The following COL27A1 variants were observed in gnomAD, a reference collection of about 807,000 sequenced individuals.
COL27A1 encodes collagen alpha-1(XXVII) chain.
COL27A1 carries 106 observed loss-of-function variants against 251.3 expected under a neutral mutation model. The ratio of observed to expected loss-of-function variants is 0.42; its 90% CI spans 0.36 to 0.50. The LOEUF is 0.50. Among genes scored for constraint, COL27A1 ranks in the 20% least tolerant of loss-of-function variants. COL27A1 has a pLI of 0.00. For synonymous variants in COL27A1, 1,000 were observed against 986.3 expected, an observed-to-expected ratio of 1.01 and a Z score of -0.26; for missense variants, 2,325 against 2,522.8, an observed-to-expected ratio of 0.92 and a Z score of 1.68.
chr9:114,219,887 T>G (rs766626775), intron 13 of COL27A1, 43 bp downstream of exon 13: 2 of 1,452,412 alleles, frequency 1.4e-6, no homozygotes, highest in South Asian at 2.3e-5. Flanking sequence ...AGATTCTGAG[T>G]GAACACACAG....
At chr9:114,301,565 G>A (rs956660466) in intron 54 of COL27A1, 103 bp downstream of exon 54, 62 of 1,536,636 alleles carry the variant, frequency 4.0e-5, no homozygotes, top group African/African-American at 1.5e-4. Context: ...CCGTCATCCC[G>A]TCTGTGCCAG....
At chr9:114,191,591 T>G (rs760297186) in intron 5 of COL27A1, among the ~76,000 whole-genome samples, 7 of 152,228 alleles carry the variant, frequency 4.6e-5, no homozygotes, top group Non-Finnish European at 8.8e-5. Context: ...GCAAAGGACG[T>G]GATCTCATTC....
At chr9:114,162,989 G>A (rs1027520621) in intron 2 of COL27A1, among the ~76,000 whole-genome samples, 3 of 152,088 alleles carry the variant, frequency 2.0e-5, no homozygotes, top group Non-Finnish European at 2.9e-5. Context: ...CAGTCCCAGC[G>A]CTTTGGGAGG....
At chr9:114,184,422 G>T (rs1388365862) in intron 5 of COL27A1, among the ~76,000 whole-genome samples, 1 of 152,232 alleles carries the variant, frequency 6.6e-6, no homozygotes, top group South Asian at 2.1e-4. Context: ...GTAGCCCTGG[G>T]CATATGGATC....
intron 7 of COL27A1, among the ~76,000 whole-genome samples, chr9:114,202,886 T>G (rs2567715): frequency 0.65 from 98,304 of 151,888 alleles, 33,091 homozygotes; most frequent in Non-Finnish European, 0.73. Context: ...TTACTTCCTT[T>G]TCTTCACAGC....
In COL27A1 at chr9:114,169,218, GT is replaced by G; in HGVS notation, c.1664del (p.Val555AlafsTer14). The G allele has an allele frequency of 6.2e-7, 1 of 1,614,020 alleles. No homozygotes were observed. The highest frequency in any genetic ancestry group is 8.5e-7 in the Non-Finnish European group (1 of 1,179,990). Reference sequence around the variant, plus strand: ...ACCCAAGAGCAGCCCCCGGAAGCCTGTCCCCCTCAGACCTGGGAAGGCAGCC... The same window carrying G: ...ACCCAAGAGCAGCCCCCGGAAGCCTGCCCCCTCAGACCTGGGAAGGCAGCC... ...AGPKSSPRKP[V>X]PLRPGKAARD... On this transcript the variant is annotated frameshift_variant, in exon 3 of 61. Transcript: ENST00000356083. LOFTEE classifies it high-confidence loss of function.
chr9:114,220,092 G>A lies in COL27A1; in HGVS notation c.2421+248G>A, dbSNP rs781401145. ...GCCCCTGGGTCCAAAGCTCCAGGCT[G>A]CACCCCATTTCCAGGACTTTGGAAG... On this transcript the variant is annotated intron_variant, in intron 13 of 60. Transcript: ENST00000356083. Among the ~76,000 whole-genome samples the A allele has an allele frequency of 2.7e-4, 41 of 152,186 alleles. 1 individual carries two copies. The highest frequency in any genetic ancestry group is 7.3e-5 in the Non-Finnish European group (5 of 68,038).
At chr9:114,154,780 A>T (rs1412884323), upstream of COL27A1, among the ~76,000 whole-genome samples, 1 of 151,704 alleles carries the variant, frequency 6.6e-6, no homozygotes, top group Non-Finnish European at 1.5e-5. This position sits in a 1 kb window ranked among gnomAD's most constrained non-coding sequence, Gnocchi z 5.8. Flanking sequence ...TACGTGTGGG[A>T]GTGTGTGTGT....
Position 114,307,713 on chromosome 9 carries a change from A to G in COL27A1, c.5152A>G (p.Ile1718Val), listed in dbSNP as rs1248745330. The G allele has an allele frequency of 1.9e-6, 3 of 1,614,100 alleles. No individual in the cohort carries two copies. Among genetic ancestry groups the G allele is most frequent in the South Asian group, 1.1e-5 (1 of 91,064 alleles). Residue 1718 changes from isoleucine (I) to valine (V), a missense_variant, in exon 59 of 61, where the codon ATC becomes GTC. Transcript: ENST00000356083. ...DPNLGCSSDT[I>V]EVSCNFTHGG... Reference sequence around the variant, plus strand: ...AAACCTTGGCTGCTCCTCTGACACCATCGAGGTCTCCTGCAACTTCACTCA... The same window carrying G: ...AAACCTTGGCTGCTCCTCTGACACCGTCGAGGTCTCCTGCAACTTCACTCA...
At chr9:114,223,925 G>C (rs76737446) in intron 14 of COL27A1, among the ~76,000 whole-genome samples, 2,797 of 152,264 alleles carry the variant, frequency 0.018, 88 homozygotes, top group African/African-American at 0.064. Flanking sequence ...TTACACACAC[G>C]TGATATTTTA....
rs1476434030 is a variant in COL27A1, at chr9:114,237,545, A to T, written c.2674-117A>T. ...TAGCTCCTTCTAGTTGTCCAGGCAG[A>T]TTTTATGCACATGCTTCTGAACTTT... On this transcript the variant is annotated intron_variant, in intron 18 of 60. Transcript: ENST00000356083. The T allele has an allele frequency of 1.3e-5, 11 of 869,710 alleles. No individual in the cohort carries two copies. The Admixed American group carries it at 2.0e-4, about 16-fold the overall frequency. The allele number at this position is 869,710 out of a possible 1,614,324, so 53.9% of individuals were successfully genotyped here.
At position 114,194,416 on chromosome 9, in the gene COL27A1, G is replaced by A. The variant is rs1206334816; in HGVS notation, c.2029G>A (p.Asp677Asn). 1 of 1,613,330 alleles carries A rather than the reference G, an allele frequency of 6.2e-7. No individual in the cohort carries two copies. Among genetic ancestry groups the A allele is most frequent in the South Asian group, 1.1e-5 (1 of 90,792 alleles). Residue 677 changes from aspartate (D) to asparagine (N), a missense_variant, in exon 6 of 61, where the codon GAC becomes AAC. Transcript: ENST00000356083. ...GTTTTTGTTTCAGGGACAGAAAGGG[G>A]ACCCAGGGCTCTCACCAGGAAAGGC... ...GPPGAKGQKGDPGLSPGKAHD... is the reference protein window; with the variant it reads ...GPPGAKGQKGNPGLSPGKAHD...
chr9:114,180,835 C>T (rs910013045), intron 4 of COL27A1, among the ~76,000 whole-genome samples: 3 of 151,868 alleles, frequency 2.0e-5, no homozygotes, highest in Admixed American at 6.6e-5. Context: ...GGGTTGGGGA[C>T]GGGGGGGCAG....
In COL27A1 at chr9:114,198,471, C is replaced by T. The variant is rs139232673; in HGVS notation, c.2124+2459C>T. ...TCGTGGTGATTCTGGCTCAGCTGGT[C>T]TGAGTGGGACTCAGGCATCAGTAGC... On this transcript the variant is annotated intron_variant, in intron 7 of 60. Transcript: ENST00000356083. Among the ~76,000 whole-genome samples, 597 of 152,288 alleles carry T rather than the reference C, an allele frequency of 3.9e-3. 2 individuals are homozygous for T. The highest frequency in any genetic ancestry group is 6.8e-3 in the Middle Eastern group (2 of 294).
At chr9:114,174,773 CAAG>C (rs1225261543) in intron 3 of COL27A1, among the ~76,000 whole-genome samples, 2 of 152,164 alleles carry the variant, frequency 1.3e-5, no homozygotes, top group Admixed American at 1.3e-4. Context: ...GTACTGATGC[CAAG>C]AAGCTCTGTT....
chr9:114,207,568 A>G (rs1397066229), intron 10 of COL27A1, among the ~76,000 whole-genome samples: 2 of 152,200 alleles, frequency 1.3e-5, no homozygotes, highest in African/African-American at 4.8e-5. Context: ...TCAAAGTCAC[A>G]TAGCAGGAGA....
chr9:114,154,111 G>A (rs986624566), upstream of COL27A1, among the ~76,000 whole-genome samples: 11 of 152,138 alleles, frequency 7.2e-5, no homozygotes, highest in East Asian at 1.9e-4. The surrounding 1 kb of genome is among the most constrained non-coding windows in gnomAD (Gnocchi z 5.8). Flanking sequence ...CCTATGAGCC[G>A]CCCCCAGCTC....
chr9:114,279,098 G>A (rs1470428827), intron 37 of COL27A1, among the ~76,000 whole-genome samples: 1 of 152,150 alleles, frequency 6.6e-6, no homozygotes, highest in Non-Finnish European at 1.5e-5. Context: ...CTTCTGCAAG[G>A]GATCAGTCAG....
rs536193813 is a variant in COL27A1, at chr9:114,240,629, A to G, written c.2835+142A>G. 305 of 726,904 alleles carry G rather than the reference A, an allele frequency of 4.2e-4. 2 individuals carry two copies. In the African/African-American group the frequency reaches 4.8e-3, roughly 11 times the overall value. 45.0% of individuals were successfully genotyped at this position (726,904 alleles called of 1,614,324 possible). A position where few individuals can be genotyped will look rare whatever the true frequency, so the allele number is the denominator to read the frequency against. On this transcript the variant is annotated intron_variant, in intron 21 of 60. Transcript: ENST00000356083. ...ACCCAGGGCTTCCCCAGACTTACCCACCAGCTCATCCTATACAGCCCTGCC... is the reference window on the plus strand; with the variant it reads ...ACCCAGGGCTTCCCCAGACTTACCCGCCAGCTCATCCTATACAGCCCTGCC...
Sources: gnomAD v4.1 joint callset for allele counts (sites outside exome capture counted in the v4.1 genomes callset) on GRCh38, gnomAD v4.1.1 for gene constraint, Gnocchi (gnomAD v3.1) non-coding constraint, MANE v1.5 for transcripts, NCBI Gene and HGNC (gene_info 2026-07-23, HGNC 2026-07-21) for gene names.